ACSL4: variants seen among roughly 807,000 people sequenced by gnomAD.
ACSL4 encodes the protein long-chain-fatty-acid--CoA ligase 4.
In ACSL4, 9 loss-of-function variants were observed where a neutral mutation model predicts 49.1. The ratio of observed to expected loss-of-function variants is 0.18; its 90% confidence interval spans 0.11 to 0.32. The LOEUF (loss-of-function observed/expected upper bound fraction) is 0.32, where lower values mean the gene tolerates loss of function less well. ACSL4 is among the 10% of genes least tolerant of loss of function. ACSL4 has a pLI of 1.00. For synonymous variants in ACSL4, 191 were observed against 170.3 expected, an observed-to-expected ratio of 1.12 and a Z score of -0.95; for missense variants, 333 against 493.7, an observed-to-expected ratio of 0.67 and a Z score of 3.08.
intron 1 of ACSL4, among the ~76,000 whole-genome samples, chrX:109,723,132 C>T (rs1479151433): frequency 9.0e-6 from 1 of 111,358 alleles, no homozygotes; most frequent in African/African-American, 3.3e-5. Context: ...ATTACATTTA[C>T]AGTAGAGTGT....
chrX:109,655,384 A>G (rs1569417805), intron 15 of ACSL4, among the ~76,000 whole-genome samples: 1 of 111,642 alleles, frequency 9.0e-6, no homozygotes, highest in Non-Finnish European at 1.9e-5. Flanking sequence ...CAAGCTCTTG[A>G]AAATTAAAAT....
At chrX:109,664,898 T>C (rs1296628027) in intron 12 of ACSL4, among the ~76,000 whole-genome samples, 4 of 112,056 alleles carry the variant, frequency 3.6e-5, no homozygotes, top group Non-Finnish European at 7.5e-5. Flanking sequence ...CTTCAGCTAA[T>C]TTATAGAAAG....
rs181326365 is a variant in ACSL4 at position 109,698,031 on chromosome X, G to C, written c.-65-1835C>G. Among the ~76,000 whole-genome samples the C allele has an allele frequency of 7.9e-3, 884 of 111,423 alleles. 10 individuals carry two copies. The highest frequency in any genetic ancestry group is 0.026 in the African/African-American group (789 of 30,645). ...AGTCAACTCTTGACCCTTGGTACTA[G>C]AGAGTGTCAGGGAATTCTCCAAGCT... is the stretch of plus-strand genomic sequence containing the variant. On this transcript the variant is annotated intron_variant, in intron 1 of 15. Coordinates refer to ENST00000672401, the MANE Select transcript of ACSL4 (RefSeq NM_001318510.2).
chrX:109,687,512 T>C, intron 2 of ACSL4, among the ~76,000 whole-genome samples: 1 of 110,996 alleles, frequency 9.0e-6, no homozygotes, highest in Non-Finnish European at 1.9e-5. Flanking sequence ...TACTCACAAG[T>C]GGAAGTTGAA....
chrX:109,643,998 C>T lies in ACSL4; in HGVS notation c.*31G>A. Reference sequence around the variant, plus strand: ...GAGGTTGAAAACCACCAGGCTACCTCCTGCACAACTGTCAATAAGACAACA... The same window carrying T: ...GAGGTTGAAAACCACCAGGCTACCTTCTGCACAACTGTCAATAAGACAACA... On this transcript the variant is annotated 3_prime_UTR_variant, in exon 16 of 16. Coordinates refer to ENST00000672401, the MANE Select transcript of ACSL4 (RefSeq NM_001318510.2). 2 of 1,208,428 alleles carry T rather than the reference C, an allele frequency of 1.7e-6. No homozygotes were observed. The highest frequency in any genetic ancestry group is 2.2e-6 in the Non-Finnish European group (2 of 892,515).
rs1393701353 is a variant in ACSL4 at position 109,733,248 on chromosome X, C to T, written c.-175G>A. On this transcript the variant is annotated 5_prime_UTR_variant, in exon 1 of 16. Coordinates refer to ENST00000672401, the MANE Select transcript of ACSL4 (RefSeq NM_001318510.2). ...CGCTGGGACGAGGAGGAGCGCGCGG[C>T]GGAGGCCAGAGAAAAAGCCGCAGCG... 6.4e-6 allele frequency: 2 copies of T among 311,187 alleles called. No homozygotes were observed. The highest frequency in any genetic ancestry group is 5.5e-5 in the African/African-American group (2 of 36,344). The allele number at this position is 311,187 out of a possible 1,213,427, so 25.6% of individuals were successfully genotyped here.
intron 14 of ACSL4, 129 bp downstream of exon 14, chrX:109,661,402 T>C: frequency 2.0e-6 from 1 of 511,069 alleles, no homozygotes; most frequent in East Asian, 3.7e-5. Flanking sequence ...CTTACATAAA[T>C]GTACAATTCC....
chrX:109,718,427 C>T (rs1031539554), intron 1 of ACSL4, among the ~76,000 whole-genome samples: 1 of 112,316 alleles, frequency 8.9e-6, no homozygotes, highest in African/African-American at 3.2e-5. Context: ...AAATGAAACA[C>T]TGCAGACTTT....
Position 109,683,138 on chromosome X carries a change from T to C in ACSL4, c.226A>G (p.Lys76Glu), listed in dbSNP as rs1462077840. Reference protein sequence around the residue: ...EMQPNGKVFKKLILGNYKWMN... With the variant: ...EMQPNGKVFKELILGNYKWMN... Reference sequence around the variant, plus strand: ...TGAAAAGCACCAAAATACTTTACCTTCTTAAAAACTTTTCCATTTGGCTGC... The same window carrying C: ...TGAAAAGCACCAAAATACTTTACCTCCTTAAAAACTTTTCCATTTGGCTGC... The change falls in exon 3 of 16, where the codon AAG becomes GAG. Residue 76 changes from lysine (K) to glutamate (E), a missense_variant and splice_region_variant. This residue lies in a region of ACSL4 where 157 missense variants were observed against 201.1 expected (regional missense o/e 0.78). Coordinates refer to ENST00000672401, the MANE Select transcript of ACSL4 (RefSeq NM_001318510.2). The C allele has an allele frequency of 8.3e-7, 1 of 1,205,984 alleles. No individual in the cohort carries two copies. Among genetic ancestry groups the C allele is most frequent in the Admixed American group, 2.2e-5 (1 of 45,760 alleles).
chrX:109,682,802 G>A lies in ACSL4; in HGVS notation c.323C>T (p.Pro108Leu). Residue 108 changes from proline to leucine, a missense_variant, in exon 4 of 16, where the codon CCA (proline) becomes CTA (leucine). By Grantham distance (98) the Pro-to-Leu change is moderately conservative (BLOSUM62 -3). Coordinates refer to ENST00000672401, the MANE Select transcript of ACSL4 (RefSeq NM_001318510.2). ...ACAGAAGATGGCAATGGTGTTCTTTGGTTTTAGTCCCAGTGCAGTGAGTCC... is the reference window on the plus strand; with the variant it reads ...ACAGAAGATGGCAATGGTGTTCTTTAGTTTTAGTCCCAGTGCAGTGAGTCC... Reference protein sequence around the residue: ...GSGLTALGLKPKNTIAIFCET... With the variant: ...GSGLTALGLKLKNTIAIFCET... The A allele has an allele frequency of 8.3e-7, 1 of 1,211,566 alleles. No individual in the cohort carries two copies. The highest frequency in any genetic ancestry group is 1.1e-6 in the Non-Finnish European group (1 of 895,356).
At chrX:109,709,498 C>A (rs555734336) in intron 1 of ACSL4, among the ~76,000 whole-genome samples, 10 of 112,477 alleles carry the variant, frequency 8.9e-5, no homozygotes, top group African/African-American at 3.2e-4. Flanking sequence ...GTTTTTCTTT[C>A]GAAATGTTTC....
chrX:109,666,658 T>C (rs758620837), intron 11 of ACSL4, among the ~76,000 whole-genome samples: 23 of 111,706 alleles, frequency 2.1e-4, no homozygotes, highest in Non-Finnish European at 3.6e-4. Context: ...CTCCCGCCTG[T>C]AATCCTAATA....
At chrX:109,646,732 G>A (rs1297876491) in intron 15 of ACSL4, among the ~76,000 whole-genome samples, 1 of 111,021 alleles carries the variant, frequency 9.0e-6, no homozygotes, top group East Asian at 2.8e-4. Context: ...CTGGCAAATT[G>A]GATACAGAGT....
chrX:109,661,184 T>C (rs1922147715), intron 14 of ACSL4, among the ~76,000 whole-genome samples: 1 of 112,050 alleles, frequency 8.9e-6, no homozygotes, highest in African/African-American at 3.2e-5. Context: ...GCTTTTGATT[T>C]AGAAAAACTT....
chrX:109,655,917 G>T (rs1190093843), intron 15 of ACSL4, among the ~76,000 whole-genome samples: 1 of 111,231 alleles, frequency 9.0e-6, no homozygotes, highest in Non-Finnish European at 1.9e-5. Flanking sequence ...CATCTCAAGG[G>T]TGAGGACAGA....
chrX:109,731,635 CA>C (rs1232686695), intron 1 of ACSL4, among the ~76,000 whole-genome samples: 1 of 108,757 alleles, frequency 9.2e-6, no homozygotes, highest in Non-Finnish European at 1.9e-5. Flanking sequence ...TGCTGTATTA[CA>C]CCTTCCATGG....
Position 109,643,534 on chromosome X carries a change from A to C in ACSL4, c.*495T>G, listed in dbSNP as rs1934511231. 1 of 119,375 alleles carries C rather than the reference A, an allele frequency of 8.4e-6. No individual in the cohort carries two copies. Among genetic ancestry groups the C allele is most frequent in the African/African-American group, 3.2e-5 (1 of 30,831 alleles). 9.8% of individuals were successfully genotyped at this position (119,375 alleles called of 1,213,427 possible). On this transcript the variant is annotated 3_prime_UTR_variant, in exon 16 of 16. Coordinates refer to ENST00000672401, the MANE Select transcript of ACSL4 (RefSeq NM_001318510.2). ...GATTTTGTGTATTATATTACTATTG[A>C]ATTTTTCCTTCAAGATAAATGGTTG...
At chrX:109,657,854 T>C (rs938178972) in intron 15 of ACSL4, among the ~76,000 whole-genome samples, 4 of 111,668 alleles carry the variant, frequency 3.6e-5, no homozygotes, top group Non-Finnish European at 7.5e-5. Context: ...AGTGTTCCTA[T>C]TTCTCCATAT....
intron 6 of ACSL4, among the ~76,000 whole-genome samples, chrX:109,679,612 ATTC>A (rs771334996): frequency 4.4e-5 from 5 of 112,420 alleles, no homozygotes; most frequent in Non-Finnish European, 9.4e-5. Flanking sequence ...CAGTAGCTAA[ATTC>A]TTCTTAATCT....
Sources: allele counts gnomAD v4.1 joint callset (sites outside exome capture counted in the v4.1 genomes callset), GRCh38; gene constraint gnomAD v4.1.1; regional missense constraint gnomAD v4.1.1; transcripts MANE v1.5; gene names NCBI Gene and HGNC (gene_info 2026-07-23, HGNC 2026-07-21).